Variants in RERE observed in about 807,000 individuals in gnomAD.
The protein encoded by RERE is arginine-glutamic acid dipeptide repeats.
RERE carries 40 observed loss-of-function variants against 146.1 expected under a neutral mutation model. The observed-to-expected ratio is 0.27, with a 90% confidence interval of 0.21 to 0.36. The LOEUF is 0.36. RERE is among the 10% of genes least tolerant of loss of function. The pLI, the probability that RERE is intolerant of heterozygous loss-of-function variation, is 1.00. For missense variants in RERE, 1,933 were observed against 2,138.7 expected (o/e 0.90, Z 1.90); for synonymous variants, 1,003 against 866.0 (o/e 1.16, Z -2.78).
At chr1:8,683,486 A>T (rs1278683301) in intron 1 of RERE, among the ~76,000 whole-genome samples, 1 of 152,088 alleles carries the variant, frequency 6.6e-6, no homozygotes, top group Non-Finnish European at 1.5e-5. Flanking sequence ...GACACACAGA[A>T]ATTCTACAAC....
chr1:8,500,397 G>A (rs1266288318), intron 8 of RERE, among the ~76,000 whole-genome samples: 2 of 152,248 alleles, frequency 1.3e-5, no homozygotes, highest in African/African-American at 4.8e-5. Flanking sequence ...TGATGAGTTG[G>A]AGACGGGGTT....
At chr1:8,528,681 A>G (rs572255034) in intron 7 of RERE, among the ~76,000 whole-genome samples, 1 of 152,320 alleles carries the variant, frequency 6.6e-6, no homozygotes. Context: ...TGGATTAAGG[A>G]TATAGAATAA....
intron 11 of RERE, among the ~76,000 whole-genome samples, chr1:8,449,111 C>T (rs1239707997): frequency 6.6e-6 from 1 of 152,116 alleles, no homozygotes; most frequent in African/African-American, 2.4e-5. Flanking sequence ...CTGGAATTGG[C>T]GGGGCCTCTC....
In RERE at chr1:8,767,604, CA is replaced by C. The variant is rs70985518; in HGVS notation, c.-145+49555del. 2.5e-3 allele frequency among the ~76,000 whole-genome samples: 298 copies of C among 117,860 alleles called. 1 individual carries two copies. Among genetic ancestry groups the C allele is most frequent in the South Asian group, 4.2e-3 (16 of 3,802 alleles). 77.3% of individuals were successfully genotyped at this position (117,860 alleles called of 152,430 possible). Reference sequence around the variant, plus strand: ...TGGGCTGCAGAGTGAGGCCTTGTCTCAAAAAAAAAAAAAGAGAAAGAAAAAA... The same window carrying C: ...TGGGCTGCAGAGTGAGGCCTTGTCTCAAAAAAAAAAAAGAGAAAGAAAAAA... On this transcript the variant is annotated intron_variant, in intron 1 of 22. Transcript: ENST00000400908.
intron 1 of RERE, among the ~76,000 whole-genome samples, chr1:8,678,541 C>T (rs931075023): frequency 6.6e-6 from 1 of 151,214 alleles, no homozygotes; most frequent in Admixed American, 6.6e-5. Context: ...AGTCCCTACT[C>T]GGGAAGCTGA....
At chr1:8,369,516 A>T (rs1641947641) in intron 12 of RERE, among the ~76,000 whole-genome samples, 2 of 127,192 alleles carry the variant, frequency 1.6e-5, no homozygotes, top group African/African-American at 4.2e-5. Context: ...ACTAAAAAAA[A>T]AAAAAAAAAA....
intron 12 of RERE, among the ~76,000 whole-genome samples, chr1:8,388,449 A>G (rs1475069571): frequency 6.6e-6 from 1 of 151,994 alleles, no homozygotes; most frequent in Non-Finnish European, 1.5e-5. Flanking sequence ...CCTCCTGAGT[A>G]GCTGGGACTA....
intron 3 of RERE, among the ~76,000 whole-genome samples, 198 bp downstream of exon 3, chr1:8,624,112 T>C (rs1646946842): frequency 6.6e-6 from 1 of 152,204 alleles, no homozygotes; most frequent in South Asian, 2.1e-4. Flanking sequence ...ATATAAGCAT[T>C]ATGAGAGTAA....
At chr1:8,459,517 A>G (rs1644499237) in intron 11 of RERE, among the ~76,000 whole-genome samples, 1 of 152,240 alleles carries the variant, frequency 6.6e-6, no homozygotes, top group Non-Finnish European at 1.5e-5. Context: ...TTAATGGCAA[A>G]GGTTCCAAAT....
At chr1:8,552,024 A>T (rs760216221) in intron 6 of RERE, among the ~76,000 whole-genome samples, 2 of 152,252 alleles carry the variant, frequency 1.3e-5, no homozygotes, top group Non-Finnish European at 2.9e-5. Context: ...AAAGGTAGAG[A>T]TAAGGGATAG....
intron 1 of RERE, among the ~76,000 whole-genome samples, chr1:8,763,913 C>A (rs1354346863): frequency 6.7e-6 from 1 of 150,302 alleles, no homozygotes; most frequent in Non-Finnish European, 1.5e-5. Flanking sequence ...TGCACTCCAG[C>A]CTGGCAACAG....
At chr1:8,509,445 C>T (rs1645302707) in intron 7 of RERE, among the ~76,000 whole-genome samples, 1 of 151,680 alleles carries the variant, frequency 6.6e-6, no homozygotes, top group Non-Finnish European at 1.5e-5. Context: ...TCCGTCCGTC[C>T]GTCCGTCCAT....
chr1:8,435,435 T>C (rs145097694), intron 11 of RERE, among the ~76,000 whole-genome samples: 6 of 152,356 alleles, frequency 3.9e-5, no homozygotes, highest in African/African-American at 1.4e-4. Flanking sequence ...TGACCTCTCA[T>C]CACCTGTTCT....
At chr1:8,616,628 A>G (rs1433623639) in intron 3 of RERE, among the ~76,000 whole-genome samples, 1 of 152,188 alleles carries the variant, frequency 6.6e-6, no homozygotes, top group Non-Finnish European at 1.5e-5. Flanking sequence ...AGTAAATAAC[A>G]TTTTCAGAAA....
chr1:8,551,942 C>T (rs1312019620), intron 6 of RERE, among the ~76,000 whole-genome samples: 4 of 152,172 alleles, frequency 2.6e-5, no homozygotes, highest in Non-Finnish European at 4.4e-5. Flanking sequence ...ATTCAAAATG[C>T]TAACTTTACT....
At chr1:8,605,845 C>CATTTTTT (rs577477257) in intron 4 of RERE, among the ~76,000 whole-genome samples, 1 of 93,214 alleles carries the variant, frequency 1.1e-5, no homozygotes, top group Admixed American at 1.6e-4. Flanking sequence ...AAATACCAAA[C>CATTTTTT]TTTTTTTTTT....
chr1:8,580,837 T>C (rs1359450572), intron 4 of RERE, among the ~76,000 whole-genome samples: 2 of 151,968 alleles, frequency 1.3e-5, no homozygotes, highest in Non-Finnish European at 2.9e-5. Flanking sequence ...TTGAGTTGTG[T>C]GCCACCATGC....
chr1:8,640,416 C>A (rs920133625), intron 2 of RERE, among the ~76,000 whole-genome samples: 5 of 152,140 alleles, frequency 3.3e-5, no homozygotes, highest in African/African-American at 1.2e-4. Flanking sequence ...AAAACTGTAC[C>A]TTTGCCTTTT....
At chr1:8,687,278 G>C (rs1316491893) in intron 1 of RERE, among the ~76,000 whole-genome samples, 1 of 152,190 alleles carries the variant, frequency 6.6e-6, no homozygotes, top group Non-Finnish European at 1.5e-5. Flanking sequence ...CACAAGCAGT[G>C]GGGAAAGCAC....
Sources: allele counts gnomAD v4.1 joint callset (sites outside exome capture counted in the v4.1 genomes callset), GRCh38; gene constraint gnomAD v4.1.1; transcripts MANE v1.5; gene names NCBI Gene and HGNC (gene_info 2026-07-23, HGNC 2026-07-21).